The following CDH13 variants were observed in gnomAD, a reference collection of about 807,000 sequenced individuals.
CDH13 encodes the protein cadherin 13, also known as cadherin-13.
A neutral mutation model predicts 63.8 loss-of-function variants in CDH13; 24 were observed. That is an observed-to-expected ratio of 0.38 (90% CI 0.27 to 0.53). CDH13 has a LOEUF of 0.53. Ranked by LOEUF, CDH13 falls within the 20% of genes least tolerant of loss-of-function variation. CDH13 has a pLI of 0.85. For missense variants in CDH13, 1,049 were observed against 903.1 expected, an observed-to-expected ratio of 1.16 and a Z score of -2.07; for synonymous variants, 503 against 355.3, an observed-to-expected ratio of 1.42 and a Z score of -4.67.
chr16:82,707,095 A>C (rs942326596), intron 1 of CDH13, among the ~76,000 whole-genome samples: 2 of 152,236 alleles, frequency 1.3e-5, no homozygotes, highest in African/African-American at 4.8e-5. Context: ...AGCTTTAGTC[A>C]CAGGCAGGTT....
intron 11 of CDH13, among the ~76,000 whole-genome samples, chr16:83,768,176 T>G (rs897017896): frequency 2.0e-5 from 3 of 152,176 alleles, no homozygotes; most frequent in Non-Finnish European, 4.4e-5. Flanking sequence ...ATATGTAGAT[T>G]TTTAAATTAG....
At chr16:82,803,159 T>G (rs749636746) in intron 1 of CDH13, among the ~76,000 whole-genome samples, 1 of 152,220 alleles carries the variant, frequency 6.6e-6, no homozygotes, top group African/African-American at 2.4e-5. Flanking sequence ...TCACTGACCC[T>G]GGATAGGTCT....
intron 7 of CDH13, among the ~76,000 whole-genome samples, chr16:83,528,641 C>A (rs952718755): frequency 1.3e-5 from 2 of 152,202 alleles, no homozygotes; most frequent in African/African-American, 4.8e-5. Context: ...CTGTTTCCAT[C>A]TATCTCTAAA....
rs1335339289 is a variant in CDH13 at position 83,125,397 on chromosome 16, T to A, written c.379T>A (p.Phe127Ile). The part of the protein sequence containing the change: ...IQGSLQDIFK[F>I]ARTSPVPRQK... ...TTTTCCCTTTTAGGATATATTTAAA[T>A]TTGCAAGAACTTCTCCTGTCCCAAG... The change falls in exon 4 of 14, where the codon TTT (phenylalanine) becomes ATT (isoleucine). Residue 127 changes from phenylalanine to isoleucine, a missense_variant. Physicochemically the swap from Phe to Ile is conservative, Grantham distance 21. Transcript: ENST00000567109. The A allele has an allele frequency of 1.9e-6, 3 of 1,582,566 alleles. No homozygotes were observed. In the African/African-American group the frequency reaches 4.0e-5, roughly 21 times the overall value.
chr16:82,913,093 C>T (rs1190603520), intron 2 of CDH13, among the ~76,000 whole-genome samples: 2 of 152,202 alleles, frequency 1.3e-5, no homozygotes, highest in African/African-American at 4.8e-5. Flanking sequence ...ATGTATGAGA[C>T]TCTCTGAGTA....
intron 4 of CDH13, among the ~76,000 whole-genome samples, chr16:83,167,473 C>A (rs574661810): frequency 2.1e-5 from 3 of 142,650 alleles, no homozygotes; most frequent in Non-Finnish European, 4.5e-5. Context: ...GCACTCCAGC[C>A]TGAGGGACAG....
At chr16:83,643,870 G>A in intron 8 of CDH13, among the ~76,000 whole-genome samples, 1 of 152,154 alleles carries the variant, frequency 6.6e-6, no homozygotes, top group Non-Finnish European at 1.5e-5. Context: ...CTTGTCCACT[G>A]TACAGCCACC....
chr16:82,950,217 G>T (rs1415689631), intron 2 of CDH13, among the ~76,000 whole-genome samples: 1 of 152,196 alleles, frequency 6.6e-6, no homozygotes, highest in Admixed American at 6.5e-5. Flanking sequence ...CTGGAGGTTT[G>T]CTAGAAACCT....
intron 1 of CDH13, among the ~76,000 whole-genome samples, chr16:82,722,457 C>A (rs746043948): frequency 3.0e-4 from 45 of 152,160 alleles, no homozygotes; most frequent in Non-Finnish European, 6.5e-4. Flanking sequence ...TTGCAGAGGG[C>A]TGGCAATGAT....
intron 2 of CDH13, among the ~76,000 whole-genome samples, chr16:82,889,682 G>C (rs1190774687): frequency 6.6e-6 from 1 of 152,184 alleles, no homozygotes; most frequent in African/African-American, 2.4e-5. Context: ...CGTTCTGACA[G>C]GGTTACACAT....
At chr16:83,614,586 T>C (rs1202139970) in intron 8 of CDH13, among the ~76,000 whole-genome samples, 1 of 152,230 alleles carries the variant, frequency 6.6e-6, no homozygotes, top group Non-Finnish European at 1.5e-5. Flanking sequence ...TCTCAAGTAT[T>C]GGCTGCCTTA....
chr16:83,128,604 A>C (rs1228272918), intron 4 of CDH13, among the ~76,000 whole-genome samples: 1 of 152,260 alleles, frequency 6.6e-6, no homozygotes, highest in Admixed American at 6.5e-5. Context: ...TGTCATGTCC[A>C]GATTTAGACA....
At chr16:82,935,130 T>C (rs954037716) in intron 2 of CDH13, among the ~76,000 whole-genome samples, 8 of 152,222 alleles carry the variant, frequency 5.3e-5, no homozygotes, top group African/African-American at 1.9e-4. Context: ...CTCACAGTTT[T>C]GCAGGGTTGG....
At chr16:83,231,051 T>G (rs1424500044) in intron 5 of CDH13, among the ~76,000 whole-genome samples, 1 of 152,200 alleles carries the variant, frequency 6.6e-6, no homozygotes, top group Non-Finnish European at 1.5e-5. Context: ...TCTCTAAACT[T>G]GAGCAAATGC....
chr16:83,503,644 C>G (rs1220342529), intron 7 of CDH13, among the ~76,000 whole-genome samples: 1 of 152,098 alleles, frequency 6.6e-6, no homozygotes, highest in Non-Finnish European at 1.5e-5. Context: ...GATGCTTGAC[C>G]AGTGACGATG....
intron 7 of CDH13, among the ~76,000 whole-genome samples, chr16:83,574,889 A>G (rs867426965): frequency 6.6e-6 from 1 of 152,230 alleles, no homozygotes; most frequent in African/African-American, 2.4e-5. Context: ...TAAAGGGAAC[A>G]ATGTGAAATA....
chr16:82,827,425 G>C (rs556503061), intron 1 of CDH13, among the ~76,000 whole-genome samples: 5 of 152,274 alleles, frequency 3.3e-5, no homozygotes, highest in Middle Eastern at 3.4e-3. Flanking sequence ...CAGAGGTTCT[G>C]AACAAAGAAC....
intron 10 of CDH13, among the ~76,000 whole-genome samples, chr16:83,707,299 T>C (rs1050194462): frequency 6.6e-6 from 1 of 152,212 alleles, no homozygotes; most frequent in African/African-American, 2.4e-5. Context: ...AAGTAATCTC[T>C]TTCTCCTTGA....
At chr16:82,887,365 T>A (rs1463272235) in intron 2 of CDH13, among the ~76,000 whole-genome samples, 1 of 152,182 alleles carries the variant, frequency 6.6e-6, no homozygotes, top group African/African-American at 2.4e-5. Flanking sequence ...ATAGGCATTT[T>A]CATTCATTGT....
Sources: gnomAD v4.1 joint callset for allele counts (sites outside exome capture counted in the v4.1 genomes callset) on GRCh38, gnomAD v4.1.1 for gene constraint, MANE v1.5 for transcripts, NCBI Gene and HGNC (gene_info 2026-07-23, HGNC 2026-07-21) for gene names.